Variants in APBB1IP observed in about 807,000 individuals in gnomAD.
The protein encoded by APBB1IP is amyloid beta precursor protein binding family B member 1 interacting protein.
Under a neutral mutation model 64.9 loss-of-function variants are expected in APBB1IP, and 27 were observed. That is an observed-to-expected ratio of 0.42 (90% CI 0.31 to 0.57). APBB1IP has a LOEUF of 0.57. Ranked by LOEUF, APBB1IP falls within the 20% of genes least tolerant of loss-of-function variation. APBB1IP has a pLI of 0.20. For synonymous variants in APBB1IP, 392 were observed against 331.0 expected, an observed-to-expected ratio of 1.18 and a Z score of -2.00; for missense variants, 812 against 845.5, an observed-to-expected ratio of 0.96 and a Z score of 0.49.
intron 2 of APBB1IP, among the ~76,000 whole-genome samples, chr10:26,442,824 T>C (rs540772011): frequency 6.6e-6 from 1 of 152,288 alleles, no homozygotes; most frequent in South Asian, 2.1e-4. Flanking sequence ...GAGGTAATCA[T>C]TATTCTGAAT....
At chr10:26,457,226 C>T (rs1219416993) in intron 2 of APBB1IP, among the ~76,000 whole-genome samples, 1 of 152,202 alleles carries the variant, frequency 6.6e-6, no homozygotes, top group Non-Finnish European at 1.5e-5. Context: ...CGAGCCTTGT[C>T]TTCCCTTTCT....
Position 26,566,987 on chromosome 10 carries a change from C to G in APBB1IP, c.1500C>G (p.His500Gln), listed in dbSNP as rs1055561877. ...SKDKKPALGN[H>Q]HDPAVPRAPH... Reference sequence around the variant, plus strand: ...ATAAGAAGCCAGCCCTCGGGAACCACCACGACCCGGCAGTGCCCCGGGCCC... The same window carrying G: ...ATAAGAAGCCAGCCCTCGGGAACCAGCACGACCCGGCAGTGCCCCGGGCCC... The change falls in exon 15 of 15, where the codon CAC becomes CAG. Residue 500 changes from histidine (H) to glutamine (Q), a missense_variant. By Grantham distance (24) the His-to-Gln change is conservative. This residue lies in a region of APBB1IP where 381 missense variants were observed against 352.1 expected (regional missense o/e 1.08). Transcript: ENST00000376236. 3 of 1,581,538 alleles carry G rather than the reference C, an allele frequency of 1.9e-6. No homozygotes were observed. The highest frequency in any genetic ancestry group is 3.4e-5 in the Admixed American group (2 of 58,346).
intron 14 of APBB1IP, among the ~76,000 whole-genome samples, chr10:26,565,047 CT>C (rs1837022803): frequency 6.6e-6 from 1 of 152,154 alleles, no homozygotes; most frequent in Non-Finnish European, 1.5e-5. Flanking sequence ...GCAGAAAGGT[CT>C]TTGCCAGGCA....
At chr10:26,551,613 C>T (rs1231126261) in intron 11 of APBB1IP, among the ~76,000 whole-genome samples, 1 of 152,140 alleles carries the variant, frequency 6.6e-6, no homozygotes, top group African/African-American at 2.4e-5. Flanking sequence ...TATGGAGGCC[C>T]GTTAGGAAGT....
In APBB1IP at chr10:26,500,805, A is replaced by AT. The variant is rs1836086922; in HGVS notation, c.161-10dup. 5 of 1,596,478 alleles carry AT rather than the reference A, an allele frequency of 3.1e-6. No homozygotes were observed. In the South Asian group the frequency reaches 4.4e-5, roughly 14 times the overall value. On this transcript the variant is annotated splice_polypyrimidine_tract_variant and intron_variant, in intron 4 of 14. Coordinates refer to ENST00000376236, the MANE Select transcript of APBB1IP (RefSeq NM_019043.4). Reference sequence around the variant, plus strand: ...AATAGGTTTTTATACCATTAATGTGATTTTCCCTACTAGAGTCCTTAAATG... The same window carrying AT: ...AATAGGTTTTTATACCATTAATGTGATTTTTCCCTACTAGAGTCCTTAAATG...
intron 2 of APBB1IP, among the ~76,000 whole-genome samples, chr10:26,454,436 A>C (rs891591074): frequency 2.6e-5 from 4 of 152,158 alleles, no homozygotes; most frequent in African/African-American, 9.7e-5. Flanking sequence ...CAAGGAGCTG[A>C]GATCGTGCCA....
At chr10:26,466,292 C>T (rs1371566802) in intron 2 of APBB1IP, among the ~76,000 whole-genome samples, 1 of 152,090 alleles carries the variant, frequency 6.6e-6, no homozygotes, top group Non-Finnish European at 1.5e-5. Context: ...GGGGGACTTC[C>T]AGAGTCACAT....
intron 2 of APBB1IP, among the ~76,000 whole-genome samples, chr10:26,468,523 G>A (rs138821819): frequency 7.3e-4 from 111 of 152,146 alleles, no homozygotes; most frequent in African/African-American, 2.7e-3. Context: ...AAATGAACAA[G>A]TGATTGTTAT....
At chr10:26,467,623 G>A (rs1425171538) in intron 2 of APBB1IP, among the ~76,000 whole-genome samples, 1 of 152,136 alleles carries the variant, frequency 6.6e-6, no homozygotes, top group East Asian at 1.9e-4. Flanking sequence ...TTAAGCCCAG[G>A]AGCTCAAGAC....
At chr10:26,507,989 A>T (rs1836204803) in intron 6 of APBB1IP, among the ~76,000 whole-genome samples, 2 of 152,232 alleles carry the variant, frequency 1.3e-5, no homozygotes, top group Admixed American at 1.3e-4. Flanking sequence ...AACAAAGAAG[A>T]TGGAAAACAG....
intron 8 of APBB1IP, among the ~76,000 whole-genome samples, chr10:26,520,907 A>G (rs1349295394): frequency 2.0e-5 from 3 of 152,222 alleles, no homozygotes; most frequent in African/African-American, 7.2e-5. Context: ...TCTACAGTAA[A>G]GTTCTGTATA....
chr10:26,472,132 C>T (rs528536236), intron 2 of APBB1IP, among the ~76,000 whole-genome samples: 3 of 152,304 alleles, frequency 2.0e-5, no homozygotes, highest in East Asian at 3.9e-4. Context: ...ATCCCTCACC[C>T]CACAGAAAAG....
At chr10:26,513,493 C>A in intron 7 of APBB1IP, 46 bp from the exon 8 acceptor site, 1 of 1,603,924 alleles carries the variant, frequency 6.2e-7, no homozygotes, top group South Asian at 1.1e-5. Flanking sequence ...CACTTGGAAA[C>A]CCTGATGTCT....
chr10:26,554,877 C>A (rs1258583808), intron 11 of APBB1IP, among the ~76,000 whole-genome samples: 1 of 152,074 alleles, frequency 6.6e-6, no homozygotes, highest in Non-Finnish European at 1.5e-5. Flanking sequence ...GCGACCACAC[C>A]CGGCTTACAC....
chr10:26,548,351 C>A (rs1009894733), intron 11 of APBB1IP, among the ~76,000 whole-genome samples: 8 of 140,472 alleles, frequency 5.7e-5, no homozygotes, highest in Admixed American at 5.2e-4. Flanking sequence ...CCCGACCCCA[C>A]AACAGGCCCC....
intron 2 of APBB1IP, among the ~76,000 whole-genome samples, chr10:26,447,230 C>G (rs1484437217): frequency 2.0e-5 from 3 of 149,860 alleles, no homozygotes; most frequent in Non-Finnish European, 4.4e-5. Flanking sequence ...AAAAAATTAG[C>G]CAGGCATGGT....
chr10:26,540,044 G>A (rs557419684), intron 10 of APBB1IP, among the ~76,000 whole-genome samples: 1 of 152,230 alleles, frequency 6.6e-6, no homozygotes, highest in South Asian at 2.1e-4. Flanking sequence ...ACATGTAACA[G>A]GGAGTAAAAA....
intron 4 of APBB1IP, among the ~76,000 whole-genome samples, chr10:26,496,845 T>C (rs1836031307): frequency 6.6e-6 from 1 of 151,632 alleles, no homozygotes; most frequent in Non-Finnish European, 1.5e-5. Context: ...TAATTTAGTC[T>C]ACTTGACATT....
intron 2 of APBB1IP, among the ~76,000 whole-genome samples, chr10:26,487,132 A>G (rs1157838470): frequency 1.3e-5 from 2 of 151,860 alleles, no homozygotes; most frequent in Non-Finnish European, 2.9e-5. Flanking sequence ...CTTCACTGTG[A>G]TAACTCCACC....
Sources: allele counts gnomAD v4.1 joint callset (sites outside exome capture counted in the v4.1 genomes callset), GRCh38; gene constraint gnomAD v4.1.1; regional missense constraint gnomAD v4.1.1; transcripts MANE v1.5; gene names NCBI Gene and HGNC (gene_info 2026-07-23, HGNC 2026-07-21).